Variants in DPP10 observed in about 807,000 individuals in gnomAD.
DPP10 encodes dipeptidyl peptidase like 10.
Under a neutral mutation model 120.9 loss-of-function variants are expected in DPP10, and 33 were observed. That is an observed-to-expected ratio of 0.27 (90% CI 0.21 to 0.37). The LOEUF (loss-of-function observed/expected upper bound fraction) is 0.37. DPP10 is among the 10% of genes least tolerant of loss of function. The pLI is 1.00. For missense variants in DPP10, 816 were observed against 942.8 expected (o/e 0.87, Z 1.76); for synonymous variants, 337 against 326.1 (o/e 1.03, Z -0.36).
At chr2:115,712,221 A>G (rs1259706875) in intron 7 of DPP10, among the ~76,000 whole-genome samples, 1 of 151,010 alleles carries the variant, frequency 6.6e-6, no homozygotes, top group Non-Finnish European at 1.5e-5. Flanking sequence ...AGACACTGAC[A>G]CAATTAGATT....
At chr2:115,513,337 C>T (rs1214913404) in intron 4 of DPP10, among the ~76,000 whole-genome samples, 1 of 151,834 alleles carries the variant, frequency 6.6e-6, no homozygotes, top group African/African-American at 2.4e-5. Flanking sequence ...TGTCAACCTA[C>T]ACATTTTGAT....
At chr2:115,325,498 A>C (rs1266774731) in intron 2 of DPP10, among the ~76,000 whole-genome samples, 1 of 152,176 alleles carries the variant, frequency 6.6e-6, no homozygotes, top group Non-Finnish European at 1.5e-5. Flanking sequence ...TGTAAAATAC[A>C]CAATAAAGTA....
chr2:115,424,749 A>G (rs946557711), intron 3 of DPP10, among the ~76,000 whole-genome samples: 1 of 152,204 alleles, frequency 6.6e-6, no homozygotes, highest in African/African-American at 2.4e-5. Context: ...ATGATGGAAC[A>G]TAGGTAGCTG....
At chr2:114,755,403 C>G (rs1050256286) in intron 1 of DPP10, among the ~76,000 whole-genome samples, 2 of 152,158 alleles carry the variant, frequency 1.3e-5, no homozygotes, top group Non-Finnish European at 2.9e-5. Context: ...AAGTGATCCT[C>G]CCCGCTTCAC....
At chr2:115,290,888 A>G (rs1318978912) in intron 1 of DPP10, among the ~76,000 whole-genome samples, 1 of 152,138 alleles carries the variant, frequency 6.6e-6, no homozygotes, top group Non-Finnish European at 1.5e-5. Context: ...AAGGCAAATC[A>G]TTTTGACAGT....
chr2:115,073,252 C>G (rs1437204737), intron 1 of DPP10, among the ~76,000 whole-genome samples: 1 of 152,212 alleles, frequency 6.6e-6, no homozygotes, highest in Admixed American at 6.5e-5. Flanking sequence ...ACTTGTATTT[C>G]CAAGTCCTAT....
intron 13 of DPP10, among the ~76,000 whole-genome samples, chr2:115,776,737 A>G (rs1682144257): frequency 6.6e-6 from 1 of 152,158 alleles, no homozygotes; most frequent in South Asian, 2.1e-4. Context: ...ACCTTCATCA[A>G]CATGAATTCA....
intron 1 of DPP10, among the ~76,000 whole-genome samples, chr2:114,501,301 T>C (rs890384334): frequency 3.3e-5 from 5 of 152,242 alleles, no homozygotes; most frequent in Admixed American, 6.5e-5. Flanking sequence ...GTGAAACACC[T>C]GTCCAAGTAG....
chr2:115,394,858 T>C (rs2067569935), intron 3 of DPP10, among the ~76,000 whole-genome samples: 2 of 152,200 alleles, frequency 1.3e-5, no homozygotes, highest in Non-Finnish European at 2.9e-5. Context: ...ATAGTTACTG[T>C]GTTAGAATTC....
At chr2:115,560,616 A>C (rs1029273209) in intron 5 of DPP10, among the ~76,000 whole-genome samples, 41 of 148,744 alleles carry the variant, frequency 2.8e-4, no homozygotes, top group Middle Eastern at 3.5e-3. Flanking sequence ...TGAGATCAGA[A>C]ATTTTTTTTT....
intron 1 of DPP10, among the ~76,000 whole-genome samples, chr2:115,268,887 C>A (rs58421461): frequency 6.9e-6 from 1 of 145,544 alleles, no homozygotes; most frequent in Admixed American, 7.2e-5. Context: ...CAGTGGCTCA[C>A]GCCTGTAATC....
intron 1 of DPP10, among the ~76,000 whole-genome samples, chr2:114,533,103 C>T (rs879718126): frequency 1.5e-4 from 23 of 152,128 alleles, no homozygotes; most frequent in Admixed American, 4.6e-4. Flanking sequence ...ATTTTATTCT[C>T]TGGTAAAAAG....
At chr2:114,840,626 A>C (rs772751295) in intron 1 of DPP10, among the ~76,000 whole-genome samples, 1 of 152,188 alleles carries the variant, frequency 6.6e-6, no homozygotes, top group Non-Finnish European at 1.5e-5. Context: ...TTTCAGTTAA[A>C]TTTATAGATT....
At chr2:115,294,324 A>G (rs2060789186) in intron 1 of DPP10, among the ~76,000 whole-genome samples, 1 of 152,126 alleles carries the variant, frequency 6.6e-6, no homozygotes, top group African/African-American at 2.4e-5. Flanking sequence ...TCAAATGTGT[A>G]TTGAAATTCT....
intron 1 of DPP10, among the ~76,000 whole-genome samples, chr2:114,948,926 C>A (rs1697566952): frequency 6.6e-6 from 1 of 150,984 alleles, no homozygotes; most frequent in African/African-American, 2.4e-5. Flanking sequence ...TAGTGAGACA[C>A]TTTGTTTTTT....
intron 1 of DPP10, among the ~76,000 whole-genome samples, chr2:114,505,812 A>C (rs374501274): frequency 6.6e-6 from 1 of 151,944 alleles, no homozygotes; most frequent in Non-Finnish European, 1.5e-5. Context: ...GCTTTCCTCT[A>C]TCTATGAACT....
chr2:115,275,703 T>TTTC (rs1553536722), intron 1 of DPP10, among the ~76,000 whole-genome samples: 4 of 89,222 alleles, frequency 4.5e-5, no homozygotes, highest in African/African-American at 1.9e-4. Context: ...TTTCTTTTCT[T>TTTC]TTTTTTTTTT....
chr2:114,601,482 A>G (rs1692362812), intron 1 of DPP10, among the ~76,000 whole-genome samples: 1 of 151,836 alleles, frequency 6.6e-6, no homozygotes, highest in African/African-American at 2.4e-5. Context: ...CTTCTGTTTT[A>G]AAGGGATTGG....
At chr2:114,450,839 C>T (rs1678227911) in intron 1 of DPP10, among the ~76,000 whole-genome samples, 1 of 151,940 alleles carries the variant, frequency 6.6e-6, no homozygotes, top group Non-Finnish European at 1.5e-5. Flanking sequence ...ATTAGTATAG[C>T]AGACACAGGT....
Sources: gnomAD v4.1 joint callset for allele counts (sites outside exome capture counted in the v4.1 genomes callset) on GRCh38, gnomAD v4.1.1 for gene constraint, MANE v1.5 for transcripts, NCBI Gene and HGNC (gene_info 2026-07-23, HGNC 2026-07-21) for gene names.